VCAN: variants seen among roughly 807,000 people sequenced by gnomAD.
The protein encoded by VCAN is versican.
VCAN carries 44 observed loss-of-function variants against 245.5 expected under a neutral mutation model. The ratio of observed to expected loss-of-function variants is 0.18; its 90% CI spans 0.14 to 0.23. The LOEUF (loss-of-function observed/expected upper bound fraction) is 0.23. Ranked by LOEUF, VCAN falls within the 10% of genes least tolerant of loss-of-function variation. The pLI is 1.00. For missense variants in VCAN, 3,793 were observed against 4,057.9 expected, an observed-to-expected ratio of 0.93 and a Z score of 1.77; for synonymous variants, 1,413 against 1,437.0, an observed-to-expected ratio of 0.98 and a Z score of 0.38.
At chr5:83,495,172 A>C (rs370000107) in intron 5 of VCAN, among the ~76,000 whole-genome samples, 242 of 152,340 alleles carry the variant, frequency 1.6e-3, no homozygotes, top group African/African-American at 5.7e-3. Context: ...CTTATGTTTA[A>C]AATGAGGAGG....
At chr5:83,526,926 A>C (rs1028251378) in intron 7 of VCAN, among the ~76,000 whole-genome samples, 2 of 152,210 alleles carry the variant, frequency 1.3e-5, no homozygotes, top group African/African-American at 4.8e-5. Flanking sequence ...TTTGTGAGAC[A>C]ACTAGGGAAA....
At chr5:83,510,941 C>G (rs923911090) in intron 5 of VCAN, among the ~76,000 whole-genome samples, 1 of 152,116 alleles carries the variant, frequency 6.6e-6, no homozygotes, top group African/African-American at 2.4e-5. Context: ...TGGCAAAACC[C>G]CGTCTCCACT....
chr5:83,502,435 C>T (rs1164655322), intron 5 of VCAN, among the ~76,000 whole-genome samples: 1 of 152,196 alleles, frequency 6.6e-6, no homozygotes, highest in Non-Finnish European at 1.5e-5. Context: ...TGAGGTCATT[C>T]TGTGCCTGTC....
chr5:83,539,771 G>A lies in VCAN; in HGVS notation c.6768G>A (p.Leu2256=). Residue 2256 remains leucine, a synonymous_variant, in exon 8 of 15, where the codon CTG becomes CTA. Transcript: ENST00000265077. The part of the protein sequence containing the change: ...ESDTELLFSG[L]GSGEEVLPTL... Reference sequence around the variant, plus strand: ...ATACTGAGCTCTTATTCTCTGGACTGGGATCAGGAGAAGAAGTTTTACCTA... The same window carrying A: ...ATACTGAGCTCTTATTCTCTGGACTAGGATCAGGAGAAGAAGTTTTACCTA... The A allele has an allele frequency of 6.2e-7, 1 of 1,613,970 alleles. No homozygotes were observed. Among genetic ancestry groups the A allele is most frequent in the Non-Finnish European group, 8.5e-7 (1 of 1,179,996 alleles).
At chr5:83,477,459 A>T (rs1285662794) in intron 1 of VCAN, among the ~76,000 whole-genome samples, 1 of 152,196 alleles carries the variant, frequency 6.6e-6, no homozygotes, top group Non-Finnish European at 1.5e-5. Context: ...AATAAGAATC[A>T]GTCTCTACCT....
chr5:83,534,027 C>A (rs979768076), intron 7 of VCAN: 3 of 151,932 alleles, frequency 2.0e-5, no homozygotes, highest in East Asian at 3.9e-4. Context: ...CAGAGGAAAA[C>A]AAAAAATTTC....
intron 7 of VCAN, among the ~76,000 whole-genome samples, chr5:83,526,916 T>C (rs1400463985): frequency 6.6e-6 from 1 of 152,192 alleles, no homozygotes; most frequent in Non-Finnish European, 1.5e-5. Context: ...TCAAAGATAA[T>C]TTGTGAGACA....
rs370689231 is a variant in VCAN, at chr5:83,542,037, C to T, written c.9034C>T (p.Pro3012Ser). Residue 3012 changes from proline (P) to serine (S), a missense_variant, in exon 8 of 15, where the codon CCT (proline) becomes TCT (serine). By Grantham distance (74) the Pro-to-Ser change is moderately conservative. Coordinates refer to ENST00000265077, the MANE Select transcript of VCAN (RefSeq NM_004385.5). The stretch of plus-strand genomic sequence containing the variant: ...GCTTTCTTCTTCTCCAGAAATAAAC[C>T]CTGAAACTCAAGCAGCTTTAATCAG... The part of the protein sequence containing the change: ...PTLSSSPEIN[P>S]ETQAALIRGQ... The T allele has an allele frequency of 6.2e-7, 1 of 1,610,438 alleles. No individual in the cohort carries two copies. Among genetic ancestry groups the T allele is most frequent in the African/African-American group, 1.3e-5 (1 of 74,710 alleles).
At chr5:83,474,696 C>T (rs988769076) in intron 1 of VCAN, among the ~76,000 whole-genome samples, 1 of 152,174 alleles carries the variant, frequency 6.6e-6, no homozygotes. Context: ...CCCCACCCAC[C>T]GAGGCCAATG....
chr5:83,542,308 A>C, intron 8 of VCAN, 40 bp downstream of exon 8: 6 of 1,590,028 alleles, frequency 3.8e-6, no homozygotes, highest in Non-Finnish European at 5.1e-6. Flanking sequence ...CCAAACCTGG[A>C]AACAGTCCCT....
intron 2 of VCAN, 166 bp downstream of exon 2, chr5:83,483,754 A>G: frequency 1.4e-6 from 1 of 701,414 alleles, no homozygotes; most frequent in East Asian, 2.7e-5. Context: ...ATTAGTTTTA[A>G]ATAAATAAGT....
At chr5:83,544,288 T>C (rs1747116296) in intron 8 of VCAN, among the ~76,000 whole-genome samples, 2 of 152,218 alleles carry the variant, frequency 1.3e-5, no homozygotes, top group Admixed American at 6.5e-5. Context: ...TTTGGAGAAG[T>C]TGATGTACTC....
At chr5:83,515,872 T>C (rs1177890377) in intron 6 of VCAN, among the ~76,000 whole-genome samples, 1 of 152,228 alleles carries the variant, frequency 6.6e-6, no homozygotes, top group African/African-American at 2.4e-5. Context: ...ATTGGTATAT[T>C]ACAAATGTTT....
intron 1 of VCAN, among the ~76,000 whole-genome samples, chr5:83,480,817 GC>G (rs1430681508): frequency 6.6e-6 from 1 of 152,098 alleles, no homozygotes; most frequent in African/African-American, 2.4e-5. Context: ...AAATGTAAGA[GC>G]CCCAAATACT....
At chr5:83,530,664 G>A (rs17348094) in intron 7 of VCAN, among the ~76,000 whole-genome samples, 20,232 of 152,128 alleles carry the variant, frequency 0.13, 1,516 homozygotes, top group South Asian at 0.17. Context: ...TGAGGTCAGT[G>A]TTTCATGTAC....
Position 83,506,317 on chromosome 5 carries a change from C to G in VCAN, c.749-5786C>G, listed in dbSNP as rs149334916. ...TGAATGCCTTTAACAGAACCCAAGTCACCTCTTGAATGCTTTGGTGCTTAG... is the reference window on the plus strand; with the variant it reads ...TGAATGCCTTTAACAGAACCCAAGTGACCTCTTGAATGCTTTGGTGCTTAG... On this transcript the variant is annotated intron_variant, in intron 5 of 14. Transcript: ENST00000265077. Among the ~76,000 whole-genome samples the G allele has an allele frequency of 4.0e-3, 604 of 152,314 alleles. 6 individuals carry two copies. Among genetic ancestry groups the G allele is most frequent in the African/African-American group, 0.014 (584 of 41,560 alleles).
chr5:83,563,124 C>G (rs778495610), intron 12 of VCAN, among the ~76,000 whole-genome samples: 1 of 152,168 alleles, frequency 6.6e-6, no homozygotes, highest in Admixed American at 6.6e-5. Flanking sequence ...GACACCAAAA[C>G]AAACGTCTCT....
chr5:83,482,980 A>G (rs1050251536), intron 1 of VCAN, among the ~76,000 whole-genome samples: 1 of 152,186 alleles, frequency 6.6e-6, no homozygotes, highest in Non-Finnish European at 1.5e-5. Context: ...CGAAGTCCTT[A>G]TTCTCTGTTT....
chr5:83,550,204 A>C (rs1747406611), intron 10 of VCAN, among the ~76,000 whole-genome samples: 1 of 152,188 alleles, frequency 6.6e-6, no homozygotes, highest in African/African-American at 2.4e-5. Context: ...GGTTGAAAAC[A>C]TTACCTGTAC....
Sources: gnomAD v4.1 joint callset for allele counts (sites outside exome capture counted in the v4.1 genomes callset) on GRCh38, gnomAD v4.1.1 for gene constraint, MANE v1.5 for transcripts, NCBI Gene and HGNC (gene_info 2026-07-23, HGNC 2026-07-21) for gene names.